The following ZBTB20 variants were observed in gnomAD, a reference collection of about 807,000 sequenced individuals.
ZBTB20 encodes zinc finger and BTB domain containing 20.
A neutral mutation model predicts 56.9 loss-of-function variants in ZBTB20; 9 were observed. That is an observed-to-expected ratio of 0.16 (90% CI 0.10 to 0.28). The LOEUF is 0.28. Ranked by LOEUF, ZBTB20 falls within the 10% of genes least tolerant of loss-of-function variation. The pLI is 1.00. For synonymous variants in ZBTB20, 417 were observed against 420.7 expected (o/e 0.99, Z 0.11); for missense variants, 655 against 1,003.0 (o/e 0.65, Z 4.69).
intron 6 of ZBTB20, chr3:114,625,088 A>G (rs1386664304): frequency 6.5e-6 from 1 of 152,984 alleles, no homozygotes; most frequent in Non-Finnish European, 1.5e-5. Context: ...GGTTTAGGTC[A>G]GGAGCAAAAT....
chr3:114,578,277 G>A (rs1334991146), intron 6 of ZBTB20, among the ~76,000 whole-genome samples: 2 of 151,930 alleles, frequency 1.3e-5, no homozygotes, highest in Non-Finnish European at 2.9e-5. Context: ...ATTGTAGCAA[G>A]AAGAATTAAT....
chr3:114,801,957 T>C (rs1245545755), intron 4 of ZBTB20, among the ~76,000 whole-genome samples: 2 of 151,856 alleles, frequency 1.3e-5, no homozygotes, highest in Non-Finnish European at 2.9e-5. Flanking sequence ...AAGTATATAA[T>C]AAATATTAGG....
At chr3:114,494,563 G>C (rs1055045084) in intron 7 of ZBTB20, among the ~76,000 whole-genome samples, 1 of 152,186 alleles carries the variant, frequency 6.6e-6, no homozygotes, top group Non-Finnish European at 1.5e-5. Flanking sequence ...CCATTGGTGG[G>C]AAAGCCCTTG....
At chr3:114,539,803 G>T (rs1157284516) in intron 6 of ZBTB20, among the ~76,000 whole-genome samples, 9 of 151,620 alleles carry the variant, frequency 5.9e-5, no homozygotes, top group Non-Finnish European at 1.3e-4. Context: ...ATCCATCTTT[G>T]TATCTCTAGA....
At chr3:114,986,604 T>C (rs2078554882) in intron 2 of ZBTB20, among the ~76,000 whole-genome samples, 1 of 152,098 alleles carries the variant, frequency 6.6e-6, no homozygotes, top group South Asian at 2.1e-4. Context: ...AACAATTCTT[T>C]CTCCCTCAAA....
intron 4 of ZBTB20, among the ~76,000 whole-genome samples, chr3:114,891,898 C>G (rs2076824917): frequency 6.6e-6 from 1 of 151,884 alleles, no homozygotes; most frequent in South Asian, 2.1e-4. Flanking sequence ...ATACAAAAAA[C>G]TAGACGGGTG....
In ZBTB20 at chr3:115,013,113, T is replaced by C. The variant is rs554864450; in HGVS notation, c.-506-38697A>G. Among the ~76,000 whole-genome samples, 10 of 151,076 alleles carry C rather than the reference T, an allele frequency of 6.6e-5. No individual in the cohort carries two copies. In the South Asian group the frequency reaches 1.0e-3, roughly 16 times the overall value. ...AGCTTTAAGTACTTACATGAAAAAA[T>C]AGAAAAACTTCAAATAAACAACCCA... On this transcript the variant is annotated intron_variant, in intron 2 of 11. Coordinates refer to ENST00000675478, the MANE Select transcript of ZBTB20 (RefSeq NM_001348800.3).
chr3:114,936,557 T>C (rs1338097474), intron 3 of ZBTB20, among the ~76,000 whole-genome samples: 1 of 152,160 alleles, frequency 6.6e-6, no homozygotes, highest in East Asian at 1.9e-4. Flanking sequence ...ATTATAACTA[T>C]TAATTATAAG....
intron 5 of ZBTB20, among the ~76,000 whole-genome samples, chr3:114,794,172 G>A (rs7631872): frequency 0.019 from 2,940 of 152,072 alleles, 39 homozygotes; most frequent in Non-Finnish European, 0.03. Flanking sequence ...TATAAAATGG[G>A]AATGGTTCCT....
At chr3:114,342,027 C>T (rs1201893897) in intron 11 of ZBTB20, among the ~76,000 whole-genome samples, 2 of 152,170 alleles carry the variant, frequency 1.3e-5, no homozygotes, top group Admixed American at 6.5e-5. Context: ...AACTTGGGAG[C>T]TCCTTAAAGG....
At chr3:114,390,677 C>T (rs1322519540) in intron 7 of ZBTB20, among the ~76,000 whole-genome samples, 1 of 152,206 alleles carries the variant, frequency 6.6e-6, no homozygotes, top group Admixed American at 6.5e-5. Context: ...TTAGTTCTAG[C>T]TTTTCTACAG....
chr3:114,714,867 G>A (rs1291498300), intron 5 of ZBTB20, among the ~76,000 whole-genome samples: 7 of 152,200 alleles, frequency 4.6e-5, no homozygotes, highest in East Asian at 1.9e-4. Flanking sequence ...AAGCCATAAC[G>A]TTCCTGCCCA....
intron 6 of ZBTB20, among the ~76,000 whole-genome samples, chr3:114,608,277 T>C (rs1003632854): frequency 5.8e-4 from 88 of 152,298 alleles, no homozygotes; most frequent in African/African-American, 2.1e-3. Flanking sequence ...TAATAAATCA[T>C]TTCCCCTATG....
In ZBTB20 at chr3:114,315,989, T is replaced by G. The variant is rs1388324281; in HGVS notation, c.*23016A>C. The G allele has an allele frequency of 6.5e-6, 1 of 152,882 alleles. No homozygotes were observed. The highest frequency in any genetic ancestry group is 1.5e-5 in the Non-Finnish European group (1 of 68,588). 9.5% of individuals were successfully genotyped at this position (152,882 alleles called of 1,614,324 possible). A position where few individuals can be genotyped will look rare whatever the true frequency, so the allele number is the denominator to read the frequency against. ...TTTTGTTTTTTTTTTCAGTTTTTATTTCAAACATTAAGAGAGTACTGATTT... is the reference window on the plus strand; with the variant it reads ...TTTTGTTTTTTTTTTCAGTTTTTATGTCAAACATTAAGAGAGTACTGATTT... On this transcript the variant is annotated 3_prime_UTR_variant, in exon 12 of 12. Transcript: ENST00000675478.
intron 1 of ZBTB20, among the ~76,000 whole-genome samples, chr3:115,083,074 T>G (rs527571778): frequency 6.6e-6 from 1 of 152,178 alleles, no homozygotes; most frequent in South Asian, 2.1e-4. Flanking sequence ...AAACTCAAGG[T>G]AAATGCAAAA....
intron 2 of ZBTB20, among the ~76,000 whole-genome samples, chr3:115,066,447 T>G (rs2082210625): frequency 6.6e-6 from 1 of 152,156 alleles, no homozygotes; most frequent in South Asian, 2.1e-4. Context: ...AGGTTCCTCA[T>G]AGCTTCACAG....
At chr3:114,772,443 T>G (rs2069284455) in intron 5 of ZBTB20, among the ~76,000 whole-genome samples, 1 of 152,176 alleles carries the variant, frequency 6.6e-6, no homozygotes, top group Non-Finnish European at 1.5e-5. Context: ...ATGGTTCTAG[T>G]ATGCTTTGTA....
rs1004946479 is a variant in ZBTB20 at position 114,322,832 on chromosome 3, G to T, written c.*16173C>A. 9 of 152,190 alleles carry T rather than the reference G, an allele frequency of 5.9e-5. No individual in the cohort carries two copies. Among genetic ancestry groups the T allele is most frequent in the Admixed American group, 4.6e-4 (7 of 15,274 alleles). The allele number at this position is 152,190 out of a possible 1,614,324, so 9.4% of individuals were successfully genotyped here. ...AACAATATTTAAACTTGGAATAGTA[G>T]ACTTGGACGGATAGTAAAGAAGAGA... is the stretch of plus-strand genomic sequence containing the variant. On this transcript the variant is annotated 3_prime_UTR_variant, in exon 12 of 12. Transcript: ENST00000675478.
At chr3:114,342,169 C>T (rs999408171) in intron 11 of ZBTB20, among the ~76,000 whole-genome samples, 6 of 152,122 alleles carry the variant, frequency 3.9e-5, no homozygotes, top group African/African-American at 1.2e-4. Context: ...GAATTTGAAA[C>T]GCAGTCACTC....
Sources: allele counts gnomAD v4.1 joint callset (sites outside exome capture counted in the v4.1 genomes callset), GRCh38; gene constraint gnomAD v4.1.1; transcripts MANE v1.5; gene names NCBI Gene and HGNC (gene_info 2026-07-23, HGNC 2026-07-21).